RPH3A: variants seen among roughly 807,000 people sequenced by gnomAD.
The protein encoded by RPH3A is rabphilin 3A, also known as rabphilin-3A.
RPH3A carries 48 observed loss-of-function variants against 102.2 expected under a neutral mutation model. The ratio of observed to expected loss-of-function variants is 0.47; its 90% CI spans 0.37 to 0.60. The LOEUF is 0.60. Ranked by LOEUF, RPH3A falls within the 20% of genes least tolerant of loss-of-function variation. RPH3A has a pLI of 0.00. For synonymous variants in RPH3A, 310 were observed against 324.3 expected (o/e 0.96, Z 0.47); for missense variants, 781 against 910.1 (o/e 0.86, Z 1.83).
At chr12:112,797,768 C>A (rs567597571) in intron 2 of RPH3A, among the ~76,000 whole-genome samples, 1 of 152,106 alleles carries the variant, frequency 6.6e-6, no homozygotes, top group South Asian at 2.1e-4. Context: ...TCATAGCTCA[C>A]TGCAGCCTTG....
intron 4 of RPH3A, among the ~76,000 whole-genome samples, chr12:112,837,575 A>G (rs2042074512): frequency 6.6e-6 from 1 of 152,154 alleles, no homozygotes; most frequent in Non-Finnish European, 1.5e-5. Context: ...GAGAGCTTTG[A>G]ACAAGCTGCC....
Position 112,607,061 on chromosome 12 carries a change from C to T in RPH3A, c.-140+31742C>T, listed in dbSNP as rs193200054. Reference sequence around the variant, plus strand: ...CAGATAATACATAAAAAGTGATTAGCTCAATGGGTGGCAGAGAGTCAACAC... The same window carrying T: ...CAGATAATACATAAAAAGTGATTAGTTCAATGGGTGGCAGAGAGTCAACAC... On this transcript the variant is annotated intron_variant, in intron 1 of 21. Coordinates refer to the RPH3A transcript ENST00000543106. Among the ~76,000 whole-genome samples, 365 of 152,268 alleles carry T rather than the reference C, an allele frequency of 2.4e-3. 2 individuals carry two copies. The highest frequency in any genetic ancestry group is 3.1e-3 in the Non-Finnish European group (211 of 68,028).
chr12:112,773,280 T>A (rs1360772369), intron 1 of RPH3A, among the ~76,000 whole-genome samples: 3 of 152,114 alleles, frequency 2.0e-5, no homozygotes, highest in Non-Finnish European at 4.4e-5. Context: ...CCCATCCCTT[T>A]TGTTGAAGGA....
intron 2 of RPH3A, among the ~76,000 whole-genome samples, chr12:112,816,747 T>C (rs1039653797): frequency 6.6e-6 from 1 of 152,208 alleles, no homozygotes; most frequent in African/African-American, 2.4e-5. Context: ...CCATAATCCA[T>C]CATTGTTTTC....
chr12:112,890,768 A>G (rs2043079732), intron 18 of RPH3A, 81 bp from the exon 19 acceptor site: 1 of 1,487,790 alleles, frequency 6.7e-7, no homozygotes, highest in East Asian at 2.4e-5. Context: ...TGCCCTTCAT[A>G]GGTTCTTCCC....
At chr12:112,768,535 G>A (rs907020134) in intron 1 of RPH3A, among the ~76,000 whole-genome samples, 3 of 152,180 alleles carry the variant, frequency 2.0e-5, no homozygotes, top group African/African-American at 7.2e-5. Flanking sequence ...TTCCCTTAGA[G>A]CTATGCTGGC....
intron 1 of RPH3A, among the ~76,000 whole-genome samples, chr12:112,783,758 A>C (rs1325696638): frequency 6.6e-6 from 1 of 152,206 alleles, no homozygotes; most frequent in African/African-American, 2.4e-5. Flanking sequence ...TCACACAACC[A>C]GTGAGTGGAA....
chr12:112,834,205 T>C (rs2042015085), intron 3 of RPH3A, among the ~76,000 whole-genome samples: 1 of 152,220 alleles, frequency 6.6e-6, no homozygotes, highest in African/African-American at 2.4e-5. Context: ...TGGAATTTCA[T>C]ATAAATGGAA....
upstream of RPH3A, among the ~76,000 whole-genome samples, chr12:112,790,749 C>G (rs112188977): frequency 3.2e-3 from 493 of 152,312 alleles, 4 homozygotes; most frequent in African/African-American, 0.011. Flanking sequence ...TCGGGGAAGG[C>G]TCTTTGGCCA....
intron 1 of RPH3A, among the ~76,000 whole-genome samples, chr12:112,755,572 A>G (rs2040818318): frequency 6.6e-6 from 1 of 152,076 alleles, no homozygotes; most frequent in South Asian, 2.1e-4. Flanking sequence ...TGTGTGATTG[A>G]TCTTGCCCTC....
At chr12:112,709,286 A>G (rs536045558) in intron 1 of RPH3A, among the ~76,000 whole-genome samples, 7 of 152,238 alleles carry the variant, frequency 4.6e-5, no homozygotes, top group Non-Finnish European at 1.0e-4. Flanking sequence ...GAAGTGGCTC[A>G]TGCCTGTAAT....
intron 1 of RPH3A, among the ~76,000 whole-genome samples, chr12:112,772,069 C>G (rs1565875867): frequency 1.3e-5 from 2 of 152,208 alleles, no homozygotes; most frequent in East Asian, 1.9e-4. Flanking sequence ...ATATTCTTCT[C>G]TCATTTTCAC....
At chr12:112,769,506 C>G (rs11066408) in intron 1 of RPH3A, among the ~76,000 whole-genome samples, 23,193 of 152,226 alleles carry the variant, frequency 0.15, 1,909 homozygotes, top group Admixed American at 0.23. Flanking sequence ...TCTTAGCTAA[C>G]CTTGTAGAGA....
intron 1 of RPH3A, among the ~76,000 whole-genome samples, chr12:112,699,675 C>A (rs2040378646): frequency 6.6e-6 from 1 of 152,190 alleles, no homozygotes; most frequent in South Asian, 2.1e-4. Flanking sequence ...AACACGTTCT[C>A]TTTCTTGATT....
chr12:112,763,068 T>C (rs1226029599), intron 1 of RPH3A, among the ~76,000 whole-genome samples: 1 of 152,208 alleles, frequency 6.6e-6, no homozygotes, highest in African/African-American at 2.4e-5. Flanking sequence ...TCCTCTAAGA[T>C]GAAACTCTGA....
intron 10 of RPH3A, 51 bp from the exon 11 acceptor site, chr12:112,875,033 G>GTT: frequency 1.0e-6 from 1 of 957,070 alleles, no homozygotes; most frequent in Non-Finnish European, 1.5e-6. Context: ...CCTTCCTGCT[G>GTT]TGTGTGTGTG....
chr12:112,831,913 C>CT (rs2041977037), intron 3 of RPH3A: 2 of 405,260 alleles, frequency 4.9e-6, no homozygotes, highest in Non-Finnish European at 4.9e-6. Flanking sequence ...TTTCTTATTG[C>CT]TTTTTTCTAC....
At chr12:112,630,793 A>G (rs538858877) in intron 1 of RPH3A, among the ~76,000 whole-genome samples, 28 of 152,292 alleles carry the variant, frequency 1.8e-4, no homozygotes, top group African/African-American at 6.5e-4. Flanking sequence ...TGTTCTAGGC[A>G]CTGAGGACTT....
At chr12:112,876,595 T>G in intron 12 of RPH3A, 47 bp from the exon 13 acceptor site, 1 of 1,376,146 alleles carries the variant, frequency 7.3e-7, no homozygotes, top group Non-Finnish European at 9.9e-7. Context: ...GCTGCTGTTA[T>G]GAAACAGGGA....
Sources: allele counts gnomAD v4.1 joint callset (sites outside exome capture counted in the v4.1 genomes callset), GRCh38; gene constraint gnomAD v4.1.1; transcripts MANE v1.5; gene names NCBI Gene and HGNC (gene_info 2026-07-23, HGNC 2026-07-21).